The following MEIS1 variants were observed in gnomAD, a reference collection of about 807,000 sequenced individuals.
MEIS1 encodes the protein Meis homeobox 1, also known as homeobox protein Meis1.
In MEIS1, 5 loss-of-function variants were observed where a neutral mutation model predicts 50.8. The observed-to-expected ratio is 0.10, with a 90% CI of 0.05 to 0.21. MEIS1 has a LOEUF of 0.21. Ranked by LOEUF, MEIS1 falls within the 10% of genes least tolerant of loss-of-function variation. The probability of loss-of-function intolerance (pLI) is 1.00; values close to 1 mark genes in which losing one functional copy is unlikely to be tolerated. For missense variants in MEIS1, 318 were observed against 517.3 expected (o/e 0.61, Z 3.74); for synonymous variants, 176 against 179.3 (o/e 0.98, Z 0.15).
At chr2:66,563,429 GACACAC>G (rs895055921) in intron 9 of MEIS1, among the ~76,000 whole-genome samples, 10 of 152,098 alleles carry the variant, frequency 6.6e-5, no homozygotes, top group Middle Eastern at 3.4e-3. Flanking sequence ...TGAACACACA[GACACAC>G]ACACATACAT....
chr2:66,562,086 A>G (rs1333085756), intron 9 of MEIS1: 2 of 75,750 alleles, frequency 2.6e-5, no homozygotes, highest in Non-Finnish European at 4.9e-5. Flanking sequence ...TATCAGTATT[A>G]CAGAGAGCCA....
intron 7 of MEIS1, among the ~76,000 whole-genome samples, chr2:66,467,234 A>C (rs1672659654): frequency 6.6e-6 from 1 of 152,250 alleles, no homozygotes; most frequent in Non-Finnish European, 1.5e-5. Context: ...TAATTTGCTG[A>C]ATTAGTAGCT....
chr2:66,493,011 T>G (rs1015841254), intron 7 of MEIS1, among the ~76,000 whole-genome samples: 3 of 152,272 alleles, frequency 2.0e-5, no homozygotes, highest in Non-Finnish European at 2.9e-5. Context: ...CCCACTCAGG[T>G]GGCCTTTAAA....
intron 7 of MEIS1, among the ~76,000 whole-genome samples, chr2:66,496,568 G>A (rs1673411221): frequency 6.6e-6 from 1 of 152,156 alleles, no homozygotes; most frequent in South Asian, 2.1e-4. Context: ...AACCATTTGC[G>A]TGATGCTGGG....
At chr2:66,457,902 T>C (rs1199476128) in intron 6 of MEIS1, among the ~76,000 whole-genome samples, 1 of 152,236 alleles carries the variant, frequency 6.6e-6, no homozygotes, top group African/African-American at 2.4e-5. Flanking sequence ...TGTTCACTTT[T>C]GGAGACAAGC....
intron 7 of MEIS1, among the ~76,000 whole-genome samples, chr2:66,473,652 T>C (rs72895113): frequency 0.061 from 9,232 of 152,086 alleles, 935 homozygotes; most frequent in African/African-American, 0.21. Flanking sequence ...CTAATTCTAA[T>C]TGAAGTTATT....
At chr2:66,443,177 A>G in intron 6 of MEIS1, 129 bp downstream of exon 6, 1 of 1,140,780 alleles carries the variant, frequency 8.8e-7, no homozygotes, top group Non-Finnish European at 1.2e-6. Flanking sequence ...ATTTCCATCG[A>G]AATGAAAATT....
chr2:66,572,005 C>T lies in MEIS1; in HGVS notation c.*797C>T, dbSNP rs561467636. 1 of 161,846 alleles carries T rather than the reference C, an allele frequency of 6.2e-6. No individual in the cohort carries two copies. Among genetic ancestry groups the T allele is most frequent in the South Asian group, 1.8e-4 (1 of 5,454 alleles). 10.0% of individuals were successfully genotyped at this position (161,846 alleles called of 1,614,324 possible). On this transcript the variant is annotated 3_prime_UTR_variant, in exon 13 of 13. Transcript: ENST00000272369. ...AGGATTTCAGCCATGCGCGCGCTCT[C>T]TCTCTTTCTCTCTCTTTTCCTCTCT...
intron 9 of MEIS1, among the ~76,000 whole-genome samples, chr2:66,549,980 G>C (rs906322454): frequency 6.6e-6 from 1 of 152,086 alleles, no homozygotes; most frequent in Admixed American, 6.5e-5. Flanking sequence ...AGTCTCTGCC[G>C]GAGAGCAATC....
intron 7 of MEIS1, among the ~76,000 whole-genome samples, chr2:66,466,562 G>A (rs2103749761): frequency 6.6e-6 from 1 of 152,346 alleles, no homozygotes; most frequent in Admixed American, 6.5e-5. Context: ...TCTTTGTGCA[G>A]CCTTCGGATT....
At chr2:66,533,387 G>T (rs1437977368) in intron 8 of MEIS1, among the ~76,000 whole-genome samples, 1 of 152,142 alleles carries the variant, frequency 6.6e-6, no homozygotes, top group Non-Finnish European at 1.5e-5. Context: ...GTCCCCGAGG[G>T]TGACTTAGGC....
rs1291269627 is a variant in MEIS1, at chr2:66,440,196, T to TA, written c.381+216dup. ...TCTGAGTGTCTGTTTGCAGATAACTTAAAATCACCCATCTGCATCCCCACT... is the reference window on the plus strand; with the variant it reads ...TCTGAGTGTCTGTTTGCAGATAACTTAAAAATCACCCATCTGCATCCCCACT... On this transcript the variant is annotated intron_variant, in intron 3 of 12. Transcript: ENST00000272369. 6.8e-5 allele frequency: 42 copies of TA among 614,324 alleles called. No homozygotes were observed. The Middle Eastern group carries it at 2.2e-3, about 32-fold the overall frequency. 38.1% of individuals were successfully genotyped at this position (614,324 alleles called of 1,614,324 possible).
At chr2:66,454,983 A>G (rs1411879428) in intron 6 of MEIS1, among the ~76,000 whole-genome samples, 2 of 152,150 alleles carry the variant, frequency 1.3e-5, no homozygotes, top group Non-Finnish European at 2.9e-5. Flanking sequence ...ATTTAACTCT[A>G]TGAACTACAA....
chr2:66,476,334 T>A (rs530865442), intron 7 of MEIS1, among the ~76,000 whole-genome samples: 2 of 152,282 alleles, frequency 1.3e-5, no homozygotes, highest in South Asian at 4.2e-4. Flanking sequence ...AAGGAATACA[T>A]TTACTACAAA....
intron 9 of MEIS1, among the ~76,000 whole-genome samples, chr2:66,564,060 A>T (rs1419980108): frequency 2.0e-5 from 3 of 152,226 alleles, no homozygotes; most frequent in Non-Finnish European, 4.4e-5. Flanking sequence ...CTGAGAGATT[A>T]CTACATCCTA....
rs1179993953 is a variant in MEIS1 at position 66,435,397 on chromosome 2, A to C, written c.-460A>C. 2.7e-5 allele frequency: 6 copies of C among 225,682 alleles called. No individual in the cohort carries two copies. In the East Asian group the frequency reaches 5.1e-4, roughly 19 times the overall value. The allele number at this position is 225,682 out of a possible 1,614,324, so 14.0% of individuals were successfully genotyped here. A position where few individuals can be genotyped will look rare whatever the true frequency, so the allele number is the denominator to read the frequency against. ...CTAGGGCTTTGTGCATTTGAATATT[A>C]ACATTTGAGGTGTTCTGACCAGAAG... On this transcript the variant is annotated 5_prime_UTR_variant, in exon 1 of 13. Transcript: ENST00000272369.
chr2:66,487,063 G>C (rs934219604), intron 7 of MEIS1, among the ~76,000 whole-genome samples: 4 of 152,104 alleles, frequency 2.6e-5, no homozygotes, highest in Admixed American at 1.3e-4. Flanking sequence ...GACTTCCTCT[G>C]TTCCTATTTG....
At chr2:66,484,706 G>T (rs1673096863) in intron 7 of MEIS1, among the ~76,000 whole-genome samples, 1 of 151,632 alleles carries the variant, frequency 6.6e-6, no homozygotes, top group Non-Finnish European at 1.5e-5. Flanking sequence ...TTATAGGAAT[G>T]CACCACCACA....
chr2:66,513,801 C>T (rs1673896421), intron 8 of MEIS1, among the ~76,000 whole-genome samples: 1 of 152,096 alleles, frequency 6.6e-6, no homozygotes, highest in Admixed American at 6.6e-5. Flanking sequence ...TTATCTGACA[C>T]CTGTTGCATG....
Sources: gnomAD v4.1 joint callset for allele counts (sites outside exome capture counted in the v4.1 genomes callset) on GRCh38, gnomAD v4.1.1 for gene constraint, MANE v1.5 for transcripts, NCBI Gene and HGNC (gene_info 2026-07-23, HGNC 2026-07-21) for gene names.